L3MBTL4: variants seen among roughly 807,000 people sequenced by gnomAD.
The protein encoded by L3MBTL4 is L3MBTL histone methyl-lysine binding protein 4, also known as lethal(3)malignant brain tumor-like protein 4.
In L3MBTL4, 70 loss-of-function variants were observed where a neutral mutation model predicts 84.5. That is an observed-to-expected ratio of 0.83 (90% CI 0.68 to 1.01). The LOEUF (loss-of-function observed/expected upper bound fraction) is 1.01, where lower values mean the gene tolerates loss of function less well. Among genes scored for constraint, L3MBTL4 ranks in the 50% least tolerant of loss-of-function variants. L3MBTL4 has a pLI of 0.00. For missense variants in L3MBTL4, 715 were observed against 754.8 expected (o/e 0.95, Z 0.62); for synonymous variants, 274 against 259.8 (o/e 1.05, Z -0.52).
intron 11 of L3MBTL4, among the ~76,000 whole-genome samples, chr18:6,214,594 T>C (rs549159595): frequency 6.0e-4 from 91 of 152,374 alleles, no homozygotes; most frequent in African/African-American, 2.0e-3. Flanking sequence ...CAATATCTGG[T>C]GTGTTTCTCT....
chr18:6,077,743 A>T (rs1233300669), intron 16 of L3MBTL4, among the ~76,000 whole-genome samples: 2 of 150,792 alleles, frequency 1.3e-5, no homozygotes, highest in Non-Finnish European at 2.9e-5. Flanking sequence ...AAAATGGAAG[A>T]CTCCTGGCTG....
Position 6,093,474 on chromosome 18 carries a change from G to A in L3MBTL4, c.1254C>T (p.His418=), listed in dbSNP as rs746606444. The change falls in exon 15 of 19, where the codon CAC becomes CAT. Residue 418 remains histidine (H), a synonymous_variant. Transcript: ENST00000317931. ...CCTGTGTTTGTTCTCTCAAACGATC[G>A]TGAAGTGTTGCCTCCTTTTTCAAGT... ...DMNLKKEATL[H]DRLREQTQAN... 66 of 1,613,786 alleles carry A rather than the reference G, an allele frequency of 4.1e-5. 2 individuals carry two copies. The South Asian group carries it at 6.5e-4, about 16-fold the overall frequency.
In L3MBTL4 at chr18:6,067,697, A is replaced by T. The variant is rs182633393; in HGVS notation, c.1444+13184T>A. 2.6e-3 allele frequency among the ~76,000 whole-genome samples: 381 copies of T among 143,820 alleles called. 4 individuals carry two copies. The East Asian group carries it at 0.028, about 10-fold the overall frequency. 94.4% of individuals were successfully genotyped at this position (143,820 alleles called of 152,430 possible). ...AAATTTTCATTCATATCCTAAATTTAAAAAAAAAATTTCTTTATGTTGTTT... is the reference window on the plus strand; with the variant it reads ...AAATTTTCATTCATATCCTAAATTTTAAAAAAAAATTTCTTTATGTTGTTT... On this transcript the variant is annotated intron_variant, in intron 16 of 18. Transcript: ENST00000317931.
At chr18:6,004,586 T>C (rs575690353) in intron 16 of L3MBTL4, among the ~76,000 whole-genome samples, 2 of 152,314 alleles carry the variant, frequency 1.3e-5, no homozygotes, top group East Asian at 3.9e-4. Context: ...TGATCTTACA[T>C]GTAGAAAACC....
intron 16 of L3MBTL4, among the ~76,000 whole-genome samples, chr18:6,069,207 C>T (rs562400802): frequency 1.1e-4 from 16 of 152,310 alleles, no homozygotes; most frequent in South Asian, 6.2e-4. Context: ...AGTGAACTTG[C>T]CACATGGACA....
At chr18:6,284,292 A>C (rs2049458002) in intron 4 of L3MBTL4, among the ~76,000 whole-genome samples, 2 of 152,214 alleles carry the variant, frequency 1.3e-5, no homozygotes, top group African/African-American at 4.8e-5. Flanking sequence ...AAAACAGCAA[A>C]GCCACATCAC....
chr18:6,072,846 A>G, intron 16 of L3MBTL4, among the ~76,000 whole-genome samples: 1 of 123,788 alleles, frequency 8.1e-6, no homozygotes, highest in Non-Finnish European at 1.7e-5. Flanking sequence ...CCTGGGTGAC[A>G]GAGAGAGAGA....
At chr18:6,336,511 A>T (rs2052347471) in intron 1 of L3MBTL4, among the ~76,000 whole-genome samples, 1 of 152,216 alleles carries the variant, frequency 6.6e-6, no homozygotes, top group Non-Finnish European at 1.5e-5. Flanking sequence ...AAGACTAAAG[A>T]TCAACAATGA....
intron 1 of L3MBTL4, among the ~76,000 whole-genome samples, chr18:6,332,559 C>T (rs1262295305): frequency 6.6e-6 from 1 of 152,178 alleles, no homozygotes; most frequent in Non-Finnish European, 1.5e-5. Context: ...AGATTCAATT[C>T]TAGGATTCTT....
Position 6,031,166 on chromosome 18 carries a change from C to G in L3MBTL4, c.1444+49715G>C, listed in dbSNP as rs1473937240. ...CCAGCTCTTGTCCTGATTTATGCTC[C>G]TCTCCCTCCTCCCCCGTGGGAGTAG... On this transcript the variant is annotated intron_variant, in intron 16 of 18. Transcript: ENST00000317931. 4 of 985,296 alleles carry G rather than the reference C, an allele frequency of 4.1e-6. No homozygotes were observed. The Admixed American group carries it at 1.8e-4, about 45-fold the overall frequency. 61.0% of individuals were successfully genotyped at this position (985,296 alleles called of 1,614,324 possible). A position where few individuals can be genotyped will look rare whatever the true frequency, so the allele number is the denominator to read the frequency against.
At chr18:6,401,228 G>C (rs183777245) in intron 1 of L3MBTL4, among the ~76,000 whole-genome samples, 88 of 152,170 alleles carry the variant, frequency 5.8e-4, no homozygotes, top group African/African-American at 1.8e-3. Flanking sequence ...GATCGTATTC[G>C]TATGAGGTTG....
At chr18:6,243,242 A>C (rs1286547195) in intron 7 of L3MBTL4, 52 bp downstream of exon 7, 42 of 1,391,320 alleles carry the variant, frequency 3.0e-5, no homozygotes, top group Non-Finnish European at 9.5e-7. Context: ...TTAAAATATA[A>C]GTGAAATACC....
chr18:6,178,742 G>A (rs2044334282), intron 12 of L3MBTL4, among the ~76,000 whole-genome samples: 1 of 152,092 alleles, frequency 6.6e-6, no homozygotes, highest in African/African-American at 2.4e-5. Flanking sequence ...GAAATAACTT[G>A]GAAATTTAAA....
intron 16 of L3MBTL4, among the ~76,000 whole-genome samples, chr18:6,005,117 G>A (rs1464402583): frequency 1.3e-5 from 2 of 150,204 alleles, no homozygotes; most frequent in Non-Finnish European, 3.0e-5. Context: ...GCTGAGGTGG[G>A]TGGATAACTT....
At chr18:6,281,638 T>A (rs1023599871) in intron 4 of L3MBTL4, among the ~76,000 whole-genome samples, 1 of 152,200 alleles carries the variant, frequency 6.6e-6, no homozygotes. Flanking sequence ...TTAAAAATCA[T>A]AAACAAAATA....
intron 14 of L3MBTL4, among the ~76,000 whole-genome samples, chr18:6,126,718 T>C (rs921012184): frequency 2.0e-5 from 3 of 152,204 alleles, no homozygotes; most frequent in African/African-American, 7.2e-5. Context: ...AAGAATTTTA[T>C]AGTAATGGGT....
intron 1 of L3MBTL4, among the ~76,000 whole-genome samples, chr18:6,376,737 CA>C (rs2054386552): frequency 1.3e-5 from 2 of 152,038 alleles, no homozygotes; most frequent in African/African-American, 2.4e-5. Flanking sequence ...GACCTTGTCT[CA>C]AAAAACAAAC....
intron 16 of L3MBTL4, among the ~76,000 whole-genome samples, chr18:5,990,843 C>A (rs1194280079): frequency 2.6e-5 from 4 of 151,086 alleles, no homozygotes; most frequent in East Asian, 2.0e-4. Context: ...ACCAATGGTA[C>A]CTTTTACATG....
intron 10 of L3MBTL4, 102 bp from the exon 11 acceptor site, chr18:6,215,937 T>C (rs925031157): frequency 1.8e-5 from 11 of 611,220 alleles, no homozygotes; most frequent in Non-Finnish European, 3.0e-5. Context: ...GTTAATTGAA[T>C]GCTCACCATT....
Sources: gnomAD v4.1 joint callset for allele counts (sites outside exome capture counted in the v4.1 genomes callset) on GRCh38, gnomAD v4.1.1 for gene constraint, MANE v1.5 for transcripts, NCBI Gene and HGNC (gene_info 2026-07-23, HGNC 2026-07-21) for gene names.